The following LEP variants were observed in gnomAD, a reference collection of about 807,000 sequenced individuals.
LEP encodes the protein leptin, also known as leptin (murine obesity homolog).
A neutral mutation model predicts 9.8 loss-of-function variants in LEP; 6 were observed. The observed-to-expected ratio is 0.61, with a 90% confidence interval of 0.34 to 1.21. The LOEUF is 1.21. LEP is among the 50% of genes most tolerant of loss of function. The pLI is 0.04. For missense variants in LEP, 134 were observed against 198.1 expected, an observed-to-expected ratio of 0.68 and a Z score of 1.94; for synonymous variants, 112 against 81.7, an observed-to-expected ratio of 1.37 and a Z score of -2.00.
intron 1 of LEP, among the ~76,000 whole-genome samples, chr7:128,241,523 C>A (rs1222930269): frequency 6.6e-6 from 1 of 152,194 alleles, no homozygotes; most frequent in Non-Finnish European, 1.5e-5. Flanking sequence ...TGTGCCGGTG[C>A]CCAGAAGGCA....
intron 1 of LEP, among the ~76,000 whole-genome samples, chr7:128,247,345 C>T (rs935850759): frequency 6.6e-6 from 1 of 152,216 alleles, no homozygotes; most frequent in Admixed American, 6.5e-5. Context: ...AGTACTAGGA[C>T]ATCAGCAGGA....
intron 1 of LEP, among the ~76,000 whole-genome samples, chr7:128,251,714 A>G (rs1431899167): frequency 6.6e-6 from 1 of 152,214 alleles, no homozygotes; most frequent in Non-Finnish European, 1.5e-5. Flanking sequence ...CATCATCCCT[A>G]CCATGTCCAT....
intron 1 of LEP, among the ~76,000 whole-genome samples, chr7:128,242,855 A>G (rs1457323096): frequency 6.6e-6 from 1 of 152,204 alleles, no homozygotes; most frequent in Non-Finnish European, 1.5e-5. Flanking sequence ...ACCTGGGTCA[A>G]TGTCCCACCC....
At chr7:128,252,450 C>T (rs201251497) in intron 2 of LEP, among the ~76,000 whole-genome samples, 2 of 152,282 alleles carry the variant, frequency 1.3e-5, no homozygotes, top group East Asian at 3.9e-4. Context: ...AGGATTTGGG[C>T]TGGGTGTGGT....
At chr7:128,250,818 C>A (rs1795266168) in intron 1 of LEP, among the ~76,000 whole-genome samples, 1 of 152,164 alleles carries the variant, frequency 6.6e-6, no homozygotes, top group Admixed American at 6.5e-5. Context: ...TATTTACTTA[C>A]ATTTTATTAT....
Position 128,241,309 on chromosome 7 carries a change from A to G in LEP, c.-29+3A>G, listed in dbSNP as rs1795148097. The G allele has an allele frequency of 2.6e-5, 4 of 154,034 alleles. No individual in the cohort carries two copies. In the Admixed American group the frequency reaches 2.6e-4, roughly 10 times the overall value. The allele number at this position is 154,034 out of a possible 1,614,324, so 9.5% of individuals were successfully genotyped here. A position where few individuals can be genotyped will look rare whatever the true frequency, so the allele number is the denominator to read the frequency against. ...ATCGCAGCGCCAGCGGTTGCAAGGT[A>G]AGGCCCCGGCGCGCTCCTTCCTCCT... On this transcript the variant is annotated splice_donor_region_variant and intron_variant, in intron 1 of 2. Transcript: ENST00000308868.
intron 1 of LEP, among the ~76,000 whole-genome samples, chr7:128,248,849 T>C (rs1386516405): frequency 1.2e-4 from 19 of 152,356 alleles, no homozygotes; most frequent in Non-Finnish European, 2.9e-5. Flanking sequence ...TTCATGTCTG[T>C]TTCTGGCCCA....
At chr7:128,241,952 C>CAATG (rs10676401) in intron 1 of LEP, among the ~76,000 whole-genome samples, 6,424 of 152,246 alleles carry the variant, frequency 0.042, 302 homozygotes, top group African/African-American at 0.12. Flanking sequence ...GCAATGCATA[C>CAATG]AATGAGGTGT....
intron 1 of LEP, among the ~76,000 whole-genome samples, chr7:128,247,301 C>A (rs557606019): frequency 2.6e-5 from 4 of 152,112 alleles, no homozygotes; most frequent in Non-Finnish European, 5.9e-5. Flanking sequence ...CAATTCCAAG[C>A]GGCAGCTGGG....
rs1795241082 is a variant in LEP, at chr7:128,248,529, G to A, written c.-28-3462G>A. On this transcript the variant is annotated intron_variant, in intron 1 of 2. Coordinates refer to ENST00000308868, the MANE Select transcript of LEP (RefSeq NM_000230.3). ...GCAAGAGAATTGCTTGAACCCAGGA[G>A]GCAGAGATTACAGTGAGCTGAGATC... 3.9e-5 allele frequency among the ~76,000 whole-genome samples: 6 copies of A among 152,044 alleles called. No homozygotes were observed. The South Asian group carries it at 1.2e-3, about 32-fold the overall frequency.
intron 1 of LEP, among the ~76,000 whole-genome samples, chr7:128,249,641 G>A (rs1362191018): frequency 4.6e-5 from 7 of 152,146 alleles, no homozygotes; most frequent in Admixed American, 4.6e-4. Flanking sequence ...CTATGACTGG[G>A]GAAGAACGGA....
At chr7:128,248,248 T>C (rs1282263031) in intron 1 of LEP, among the ~76,000 whole-genome samples, 1 of 152,000 alleles carries the variant, frequency 6.6e-6, no homozygotes, top group Non-Finnish European at 1.5e-5. Context: ...CTGGCCAACA[T>C]GGTGAAATCC....
Position 128,252,008 on chromosome 7 carries a change from T to C in LEP, c.-11T>C, listed in dbSNP as rs368669939. The C allele has an allele frequency of 3.7e-6, 6 of 1,614,082 alleles. No homozygotes were observed. The African/African-American group carries it at 4.0e-5, about 11-fold the overall frequency. On this transcript the variant is annotated 5_prime_UTR_variant, in exon 2 of 3. Coordinates refer to ENST00000308868, the MANE Select transcript of LEP (RefSeq NM_000230.3). The stretch of plus-strand genomic sequence containing the variant: ...GTTTTCAGGCCCAAGAAGCCCATCC[T>C]GGGAAGGAAAATGCATTGGGGAACC...
rs540002541 is a variant in LEP, at chr7:128,253,838, C to T, written c.145-566C>T. On this transcript the variant is annotated intron_variant, in intron 2 of 2. Transcript: ENST00000308868. ...TTGGGTGGTGTAATACACAATATCACGGGAGCCCCGGGTAGTAACCACGGA... is the reference window on the plus strand; with the variant it reads ...TTGGGTGGTGTAATACACAATATCATGGGAGCCCCGGGTAGTAACCACGGA... Among the ~76,000 whole-genome samples the T allele has an allele frequency of 3.3e-5, 5 of 152,328 alleles. 1 individual carries two copies. The highest frequency in any genetic ancestry group is 1.9e-4 in the East Asian group (1 of 5,178).
Position 128,255,069 on chromosome 7 carries a change from G to C in LEP, c.*306G>C, listed in dbSNP as rs983741098. The C allele has an allele frequency of 2.4e-6, 1 of 409,854 alleles. No homozygotes were observed. Among genetic ancestry groups the C allele is most frequent in the Admixed American group, 3.5e-5 (1 of 28,218 alleles). The allele number at this position is 409,854 out of a possible 1,614,324, so 25.4% of individuals were successfully genotyped here. On this transcript the variant is annotated 3_prime_UTR_variant, in exon 3 of 3. Transcript: ENST00000308868. ...AACAAGAGTTGTCTTGTCCCCTCTT[G>C]ACCCATCTCCCCCTCACTGAATGCC...
intron 1 of LEP, among the ~76,000 whole-genome samples, chr7:128,250,490 G>A (rs1795261053): frequency 6.6e-6 from 1 of 151,972 alleles, no homozygotes; most frequent in African/African-American, 2.4e-5. Context: ...GGGGTGGGTG[G>A]CTCGCACTCC....
chr7:128,241,946 T>C (rs1243785612), intron 1 of LEP, among the ~76,000 whole-genome samples: 1 of 151,328 alleles, frequency 6.6e-6, no homozygotes, highest in African/African-American at 2.5e-5. Context: ...TTCTTTGCAA[T>C]GCATACAATG....
At chr7:128,242,868 G>T (rs560330702) in intron 1 of LEP, among the ~76,000 whole-genome samples, 1 of 152,276 alleles carries the variant, frequency 6.6e-6, no homozygotes, top group East Asian at 1.9e-4. Flanking sequence ...TCCCACCCCC[G>T]CTTAGATGCC....
At position 128,243,098 on chromosome 7, in the gene LEP, T is replaced by A. The variant is rs28954084; in HGVS notation, c.-29+1792T>A. 6.6e-3 allele frequency among the ~76,000 whole-genome samples: 1,002 copies of A among 152,336 alleles called. 10 individuals are homozygous for A. Among genetic ancestry groups the A allele is most frequent in the African/African-American group, 0.023 (966 of 41,558 alleles). On this transcript the variant is annotated intron_variant, in intron 1 of 2. Coordinates refer to ENST00000308868, the MANE Select transcript of LEP (RefSeq NM_000230.3). ...TTGAAATTCTTCTTTGTCCACACAG[T>A]TGTCTCAGAGAAACAGAGAGGTTGT...
Sources: gnomAD v4.1 joint callset for allele counts (sites outside exome capture counted in the v4.1 genomes callset) on GRCh38, gnomAD v4.1.1 for gene constraint, MANE v1.5 for transcripts, NCBI Gene and HGNC (gene_info 2026-07-23, HGNC 2026-07-21) for gene names.